Variants in SPRED2 observed in about 807,000 individuals in gnomAD.
SPRED2 encodes the protein sprouty-related, EVH1 domain-containing protein 2.
Under a neutral mutation model 43.0 loss-of-function variants are expected in SPRED2, and 47 were observed. The ratio of observed to expected loss-of-function variants is 1.09; its 90% CI spans 0.87 to 1.40. SPRED2 has a LOEUF of 1.40. Among genes scored for constraint, SPRED2 ranks in the 40% most tolerant of loss-of-function variants. The probability of loss-of-function intolerance (pLI) is 0.00; values close to 1 mark genes in which losing one functional copy is unlikely to be tolerated. For missense variants in SPRED2, 561 were observed against 586.4 expected, an observed-to-expected ratio of 0.96 and a Z score of 0.45; for synonymous variants, 225 against 225.7, an observed-to-expected ratio of 1.00 and a Z score of 0.03.
At chr2:65,322,290 A>AT (rs1346549604) in intron 4 of SPRED2, among the ~76,000 whole-genome samples, 833 of 78,914 alleles carry the variant, frequency 0.011, 36 homozygotes, top group Non-Finnish European at 0.016. Context: ...ATATATATAT[A>AT]TATATTTTTT....
chr2:65,394,172 T>C (rs2103695948), intron 1 of SPRED2, among the ~76,000 whole-genome samples: 1 of 152,274 alleles, frequency 6.6e-6, no homozygotes, highest in South Asian at 2.1e-4. Context: ...AGCAAACAAT[T>C]TAAATTCTCA....
chr2:65,307,476 G>A (rs1315349154), downstream of SPRED2, among the ~76,000 whole-genome samples: 1 of 149,920 alleles, frequency 6.7e-6, no homozygotes, highest in Admixed American at 6.7e-5. Context: ...GATTACAGGT[G>A]TGAGCCACTC....
intron 1 of SPRED2, among the ~76,000 whole-genome samples, chr2:65,346,446 T>C (rs1379885845): frequency 6.6e-6 from 1 of 152,132 alleles, no homozygotes; most frequent in Admixed American, 6.6e-5. Context: ...CCATCACCCC[T>C]TTCTACCTCT....
At chr2:65,413,829 A>G (rs1376646542) in intron 1 of SPRED2, among the ~76,000 whole-genome samples, 2 of 152,216 alleles carry the variant, frequency 1.3e-5, no homozygotes, top group South Asian at 2.1e-4. Flanking sequence ...TGTTTTTTCT[A>G]CTGAACATAC....
At chr2:65,339,105 G>GA (rs1461406474) in intron 2 of SPRED2, among the ~76,000 whole-genome samples, 2 of 105,442 alleles carry the variant, frequency 1.9e-5, no homozygotes, top group South Asian at 3.4e-4. Flanking sequence ...GTTGGGCGGG[G>GA]GGTCAGCGCC....
chr2:65,346,285 C>T (rs1204913144), intron 1 of SPRED2, among the ~76,000 whole-genome samples: 1 of 152,156 alleles, frequency 6.6e-6, no homozygotes, highest in Non-Finnish European at 1.5e-5. Flanking sequence ...CAAGATCTAC[C>T]ATTCCCTTTA....
Position 65,427,220 on chromosome 2 carries a change from C to T in SPRED2, c.26+4742G>A, listed in dbSNP as rs186922505. ...CTGAGTAGCTGGGACTACAGGTGTG[C>T]GCTACCACACGCGGCTAATTTTTAT... On this transcript the variant is annotated intron_variant, in intron 1 of 5. Transcript: ENST00000356388. 6.6e-3 allele frequency among the ~76,000 whole-genome samples: 1,009 copies of T among 151,924 alleles called. 10 individuals are homozygous for T. The highest frequency in any genetic ancestry group is 0.023 in the African/African-American group (957 of 41,304).
At chr2:65,424,050 A>G (rs546718458) in intron 1 of SPRED2, among the ~76,000 whole-genome samples, 2 of 152,198 alleles carry the variant, frequency 1.3e-5, no homozygotes, top group East Asian at 1.9e-4. Flanking sequence ...CGGACTCCCA[A>G]AGTGATGGGA....
chr2:65,422,767 TTTTTA>T (rs1676461893), intron 1 of SPRED2, among the ~76,000 whole-genome samples: 2 of 152,138 alleles, frequency 1.3e-5, no homozygotes, highest in African/African-American at 2.4e-5. Context: ...TTGTTGTTGT[TTTTTA>T]TTTTAACAAA....
At chr2:65,333,373 G>A (rs930195794) in intron 3 of SPRED2, among the ~76,000 whole-genome samples, 1 of 151,948 alleles carries the variant, frequency 6.6e-6, no homozygotes, top group Admixed American at 6.6e-5. Flanking sequence ...GACTGCAGGA[G>A]AAAAAACAAC....
rs1286632853 is a variant in SPRED2 at position 65,322,288 on chromosome 2, A to AT, written c.439-5406dup. On this transcript the variant is annotated intron_variant, in intron 4 of 5. Coordinates refer to ENST00000356388, the MANE Select transcript of SPRED2 (RefSeq NM_181784.3). ...TCTCTCTCTATATATATATATATAT[A>AT]TATATATTTTTTTTTTTTTTTTTGA... 1.8e-4 allele frequency among the ~76,000 whole-genome samples: 16 copies of AT among 88,528 alleles called. 1 individual carries two copies. Among genetic ancestry groups the AT allele is most frequent in the East Asian group, 3.9e-4 (1 of 2,552 alleles). 58.1% of individuals were successfully genotyped at this position (88,528 alleles called of 152,430 possible).
intron 1 of SPRED2, among the ~76,000 whole-genome samples, chr2:65,387,518 C>T (rs1054680522): frequency 3.3e-4 from 50 of 152,104 alleles, no homozygotes; most frequent in Non-Finnish European, 1.3e-4. Context: ...ATAGCAAAAT[C>T]GTCAAAACAT....
At chr2:65,413,707 C>T (rs1676213436) in intron 1 of SPRED2, among the ~76,000 whole-genome samples, 1 of 152,182 alleles carries the variant, frequency 6.6e-6, no homozygotes, top group Non-Finnish European at 1.5e-5. Flanking sequence ...CTTCTCAGCT[C>T]CCTTGATTGG....
At chr2:65,391,667 ATTATCT>A (rs948255536) in intron 1 of SPRED2, among the ~76,000 whole-genome samples, 1 of 152,198 alleles carries the variant, frequency 6.6e-6, no homozygotes, top group Non-Finnish European at 1.5e-5. Flanking sequence ...TCACTTGACT[ATTATCT>A]TTAAGTTTCT....
rs548161488 is a variant in SPRED2, at chr2:65,377,846, C to A, written c.27-32950G>T. The A allele has an allele frequency of 2.5e-4, 97 of 381,546 alleles. 1 individual carries two copies. The highest frequency in any genetic ancestry group is 1.8e-3 in the South Asian group (94 of 51,360). The allele number at this position is 381,546 out of a possible 1,614,324, so 23.6% of individuals were successfully genotyped here. A position where few individuals can be genotyped will look rare whatever the true frequency, so the allele number is the denominator to read the frequency against. ...AGCACTTCTCAGACACAGCCTCCAG[C>A]AAAGGGGCAGGAAATTCTAAGCTGT... On this transcript the variant is annotated intron_variant, in intron 1 of 5. Coordinates refer to ENST00000356388, the MANE Select transcript of SPRED2 (RefSeq NM_181784.3).
At chr2:65,404,774 C>G (rs1229833964) in intron 1 of SPRED2, among the ~76,000 whole-genome samples, 1 of 152,178 alleles carries the variant, frequency 6.6e-6, no homozygotes, top group Non-Finnish European at 1.5e-5. Flanking sequence ...AAACACGTGC[C>G]TGTTTCTTAC....
At chr2:65,422,847 C>A (rs1253900272) in intron 1 of SPRED2, among the ~76,000 whole-genome samples, 2 of 152,132 alleles carry the variant, frequency 1.3e-5, no homozygotes, top group African/African-American at 4.8e-5. Context: ...AATTATTAGG[C>A]CTTCAGGGCC....
chr2:65,364,883 A>G (rs2104325767), intron 1 of SPRED2, among the ~76,000 whole-genome samples: 1 of 152,364 alleles, frequency 6.6e-6, no homozygotes, highest in African/African-American at 2.4e-5. Flanking sequence ...GAATTTGATA[A>G]AGTGAACCCT....
intron 1 of SPRED2, among the ~76,000 whole-genome samples, chr2:65,360,826 T>G (rs1264477846): frequency 6.6e-6 from 1 of 152,196 alleles, no homozygotes; most frequent in Non-Finnish European, 1.5e-5. Flanking sequence ...ATGTTATGTG[T>G]TTTTTACCAC....
Sources: allele counts gnomAD v4.1 joint callset (sites outside exome capture counted in the v4.1 genomes callset), GRCh38; gene constraint gnomAD v4.1.1; transcripts MANE v1.5; gene names NCBI Gene and HGNC (gene_info 2026-07-23, HGNC 2026-07-21).